Variants in ART1 observed in about 807,000 individuals in gnomAD.
ART1 encodes GPI-linked NAD(P)(+)--arginine ADP-ribosyltransferase 1.
Under a neutral mutation model 27.0 loss-of-function variants are expected in ART1, and 29 were observed. That is an observed-to-expected ratio of 1.08 (90% CI 0.80 to 1.47). The LOEUF is 1.47. ART1 is among the 40% of genes most tolerant of loss of function. The pLI is 0.00. For synonymous variants in ART1, 201 were observed against 172.2 expected, an observed-to-expected ratio of 1.17 and a Z score of -1.31; for missense variants, 480 against 423.0, an observed-to-expected ratio of 1.13 and a Z score of -1.18.
chr11:3,650,591 A>G (rs994969055), intron 1 of ART1, among the ~76,000 whole-genome samples: 25 of 152,156 alleles, frequency 1.6e-4, no homozygotes, highest in Non-Finnish European at 2.8e-4. Context: ...GGGTATTGAC[A>G]GCCAGGCTTC....
At chr11:3,653,176 C>A (rs934694651) in intron 1 of ART1, among the ~76,000 whole-genome samples, 1 of 148,628 alleles carries the variant, frequency 6.7e-6, no homozygotes. Flanking sequence ...ACCGTCCCAA[C>A]ACTTTACCAC....
Position 3,659,922 on chromosome 11 carries a change from G to C in ART1, c.403G>C (p.Val135Leu), listed in dbSNP as rs781422161. The C allele has an allele frequency of 6.2e-7, 1 of 1,613,256 alleles. No individual in the cohort carries two copies. Among genetic ancestry groups the C allele is most frequent in the Non-Finnish European group, 8.5e-7 (1 of 1,179,674 alleles). Residue 135 changes from valine (V) to leucine (L), a missense_variant, in exon 3 of 5, where the codon GTG (valine) becomes CTG (leucine). Physicochemically the swap from Val to Leu is conservative, Grantham distance 32. Transcript: ENST00000250693. ...SPLHKEFNAA[V>L]REAGRSRAHY... ...CCTGCACAAGGAGTTCAATGCAGCC[G>C]TGCGTGAGGCGGGCCGCTCCCGGGC...
chr11:3,650,863 G>A (rs1245760179), intron 1 of ART1, among the ~76,000 whole-genome samples: 1 of 135,354 alleles, frequency 7.4e-6, no homozygotes, highest in Non-Finnish European at 1.6e-5. Context: ...CCTCCTTCGC[G>A]ACCGATCATG....
intron 1 of ART1, among the ~76,000 whole-genome samples, chr11:3,655,015 G>C (rs1227332586): frequency 6.6e-6 from 1 of 152,232 alleles, no homozygotes; most frequent in East Asian, 1.9e-4. Context: ...CAAAATCTCA[G>C]TGGCAAACAA....
intron 1 of ART1, among the ~76,000 whole-genome samples, chr11:3,655,115 G>C (rs1160172627): frequency 6.6e-6 from 1 of 152,208 alleles, no homozygotes; most frequent in South Asian, 2.1e-4. Context: ...CAGGCCGCCG[G>C]TCTGGCTCAG....
chr11:3,662,494 C>T (rs2077627873), intron 4 of ART1, among the ~76,000 whole-genome samples: 1 of 152,234 alleles, frequency 6.6e-6, no homozygotes, highest in Admixed American at 6.5e-5. Context: ...ATCCTCACCA[C>T]ACCCCAGTGG....
intron 4 of ART1, 48 bp from the exon 5 acceptor site, chr11:3,664,044 T>C (rs372338750): frequency 7.5e-6 from 12 of 1,594,470 alleles, no homozygotes; most frequent in Non-Finnish European, 1.0e-5. Context: ...TAAATACCTC[T>C]TTTTTTCTCT....
intron 1 of ART1, among the ~76,000 whole-genome samples, chr11:3,648,330 G>A (rs1468717544): frequency 7.9e-5 from 12 of 152,206 alleles, no homozygotes; most frequent in South Asian, 4.2e-4. Flanking sequence ...GACTCAGATC[G>A]GGGGACCTCC....
rs1376210416 is a variant in ART1, at chr11:3,659,859, C to G, written c.340C>G (p.His114Asp). 6.2e-7 allele frequency: 1 copy of G among 1,612,456 alleles called. No individual in the cohort carries two copies. Residue 114 changes from histidine (H) to aspartate (D), a missense_variant, in exon 3 of 5, where the codon CAT (histidine) becomes GAT (aspartate). His to Asp is a moderately conservative substitution (Grantham distance 81). Transcript: ENST00000250693. ...GCCACCCCTGGGCTTCCGCGATGAGCATGGGGTGGCCCTCCTGGCCTACAC... is the reference window on the plus strand; with the variant it reads ...GCCACCCCTGGGCTTCCGCGATGAGGATGGGGTGGCCCTCCTGGCCTACAC... ...SPPPLGFRDE[H>D]GVALLAYTAN...
At chr11:3,655,640 G>T (rs1210636643) in intron 1 of ART1, 1 of 152,144 alleles carries the variant, frequency 6.6e-6, no homozygotes, top group Non-Finnish European at 1.5e-5. Flanking sequence ...ATGGGCTGAG[G>T]AATCCACAGT....
intron 1 of ART1, among the ~76,000 whole-genome samples, chr11:3,655,957 AG>A (rs2077571542): frequency 7.1e-6 from 1 of 140,704 alleles, no homozygotes; most frequent in African/African-American, 2.7e-5. Context: ...TTTGAGACAG[AG>A]TTTCACTCTT....
chr11:3,660,110 G>T lies in ART1; in HGVS notation c.591G>T (p.Leu197=), dbSNP rs752681438. ...CAGGGCCCCGGGCCACCGTGAGGCTGGGGGGCTTTGCTTCTGCCTCCCTGA... is the reference window on the plus strand; with the variant it reads ...CAGGGCCCCGGGCCACCGTGAGGCTTGGGGGCTTTGCTTCTGCCTCCCTGA... The part of the protein sequence containing the change: ...RPAGPRATVR[L]GGFASASLKH... Residue 197 remains leucine, a synonymous_variant, in exon 3 of 5, where the codon CTG becomes CTT. Coordinates refer to ENST00000250693, the MANE Select transcript of ART1 (RefSeq NM_004314.3). 5.0e-6 allele frequency: 8 copies of T among 1,613,740 alleles called. No individual in the cohort carries two copies. The South Asian group carries it at 8.8e-5, about 18-fold the overall frequency.
chr11:3,648,784 G>C (rs554225400), intron 1 of ART1, among the ~76,000 whole-genome samples: 1 of 151,720 alleles, frequency 6.6e-6, no homozygotes, highest in South Asian at 2.1e-4. Flanking sequence ...TTCTGGAGGA[G>C]GGGTAAGTAC....
rs1044756393 is a variant in ART1 at position 3,653,179 on chromosome 11, T to C, written c.-52-5983T>C. Among the ~76,000 whole-genome samples, 8 of 148,562 alleles carry C rather than the reference T, an allele frequency of 5.4e-5. 1 individual carries two copies. Among genetic ancestry groups the C allele is most frequent in the African/African-American group, 1.6e-4 (6 of 38,494 alleles). ...CCAAAAATTTTCACCGTCCCAACACTTTACCACTATTTCATTTTATTTTTC... is the reference window on the plus strand; with the variant it reads ...CCAAAAATTTTCACCGTCCCAACACCTTACCACTATTTCATTTTATTTTTC... On this transcript the variant is annotated intron_variant, in intron 1 of 4. Transcript: ENST00000250693.
rs1350962707 is a variant in ART1, at chr11:3,664,255, C to A, written c.*66C>A. 9 of 1,484,440 alleles carry A rather than the reference C, an allele frequency of 6.1e-6. No individual in the cohort carries two copies. In the Admixed American group the frequency reaches 1.4e-4, roughly 22 times the overall value. 92.0% of individuals were successfully genotyped at this position (1,484,440 alleles called of 1,614,324 possible). The stretch of plus-strand genomic sequence containing the variant: ...ATCCTGAGGATGTTGGCCATGTGTG[C>A]TTTCAGTGTAACCAAGATTCCTGTC... On this transcript the variant is annotated 3_prime_UTR_variant, in exon 5 of 5. Coordinates refer to ENST00000250693, the MANE Select transcript of ART1 (RefSeq NM_004314.3).
intron 2 of ART1, 79 bp downstream of exon 2, chr11:3,659,355 G>C (rs747584461): frequency 2.5e-6 from 4 of 1,593,014 alleles, no homozygotes; most frequent in Non-Finnish European, 3.4e-6. Flanking sequence ...GGGAGAAAGA[G>C]AGAGAGGAAA....
intron 2 of ART1, 46 bp downstream of exon 2, chr11:3,659,322 A>G (rs760034607): frequency 1.2e-6 from 2 of 1,612,244 alleles, no homozygotes; most frequent in Admixed American, 3.3e-5. Flanking sequence ...GAACTGAGCC[A>G]TCGGCTTCTT....
Position 3,659,678 on chromosome 11 carries a change from T to C in ART1, c.159T>C (p.Cys53=). ...CCTTTGATGACCAGTACGCTGGCTG[T>C]GCTGCTGCCATGACAGCTGCTCTCC... is the stretch of plus-strand genomic sequence containing the variant. ...LASFDDQYAG[C]AAAMTAALPD... The change falls in exon 3 of 5, where the codon TGT becomes TGC. Residue 53 remains cysteine, a synonymous_variant. Coordinates refer to ENST00000250693, the MANE Select transcript of ART1 (RefSeq NM_004314.3). The C allele has an allele frequency of 6.2e-7, 1 of 1,613,926 alleles. No homozygotes were observed. Among genetic ancestry groups the C allele is most frequent in the Non-Finnish European group, 8.5e-7 (1 of 1,180,016 alleles).
chr11:3,657,258 A>T (rs947733994), intron 1 of ART1, among the ~76,000 whole-genome samples: 1 of 152,134 alleles, frequency 6.6e-6, no homozygotes, highest in African/African-American at 2.4e-5. Context: ...AGACCCATTG[A>T]CTATATTACC....
Sources: gnomAD v4.1 joint callset for allele counts (sites outside exome capture counted in the v4.1 genomes callset) on GRCh38, gnomAD v4.1.1 for gene constraint, MANE v1.5 for transcripts, NCBI Gene and HGNC (gene_info 2026-07-23, HGNC 2026-07-21) for gene names.